The following TTC27 variants were observed in gnomAD, a reference collection of about 807,000 sequenced individuals.
TTC27 encodes tetratricopeptide repeat domain 27.
In TTC27, 79 loss-of-function variants were observed where a neutral mutation model predicts 115.9. That is an observed-to-expected ratio of 0.68 (90% CI 0.57 to 0.82). TTC27 has a LOEUF of 0.82. Ranked by LOEUF, TTC27 falls within the 40% of genes least tolerant of loss-of-function variation. TTC27 has a pLI of 0.00. For synonymous variants in TTC27, 401 were observed against 356.0 expected (o/e 1.13, Z -1.42); for missense variants, 1,054 against 993.1 (o/e 1.06, Z -0.82).
chr2:32,651,219 G>A (rs1158145451), intron 5 of TTC27, among the ~76,000 whole-genome samples: 1 of 152,168 alleles, frequency 6.6e-6, no homozygotes, highest in Non-Finnish European at 1.5e-5. Context: ...GTGGTAGTTA[G>A]CATCATTCTA....
At position 32,756,250 on chromosome 2, in the gene TTC27, C is replaced by T. The variant is rs537177046; in HGVS notation, c.1453-2042C>T. On this transcript the variant is annotated intron_variant, in intron 12 of 19. Transcript: ENST00000317907. ...GACGTGGGTACCATACCGTCAGTATCGGGCTGTCAAGAGAAATGCCTTCAA... is the reference window on the plus strand; with the variant it reads ...GACGTGGGTACCATACCGTCAGTATTGGGCTGTCAAGAGAAATGCCTTCAA... Among the ~76,000 whole-genome samples the T allele has an allele frequency of 3.0e-4, 45 of 152,334 alleles. 2 individuals carry two copies. The South Asian group carries it at 7.5e-3, about 25-fold the overall frequency.
At chr2:32,726,893 A>G (rs77398177) in intron 10 of TTC27, among the ~76,000 whole-genome samples, 1 of 152,228 alleles carries the variant, frequency 6.6e-6, no homozygotes, top group Non-Finnish European at 1.5e-5. Flanking sequence ...AGCAAGTCAC[A>G]TCTTACATGG....
intron 5 of TTC27, among the ~76,000 whole-genome samples, chr2:32,653,491 G>C (rs915803362): frequency 6.6e-6 from 1 of 151,810 alleles, no homozygotes; most frequent in Non-Finnish European, 1.5e-5. Flanking sequence ...CTACTCAGGA[G>C]GTTGAGGTAG....
chr2:32,728,918 C>T (rs924581948), intron 10 of TTC27, among the ~76,000 whole-genome samples: 29 of 152,144 alleles, frequency 1.9e-4, no homozygotes, highest in African/African-American at 7.0e-4. Context: ...GAATTGACTG[C>T]AGACTCCTGT....
At chr2:32,652,790 G>C (rs1028331990) in intron 5 of TTC27, among the ~76,000 whole-genome samples, 2 of 152,176 alleles carry the variant, frequency 1.3e-5, no homozygotes, top group Non-Finnish European at 2.9e-5. Context: ...TCAGCGTCCA[G>C]AGAAGGGTAT....
At position 32,628,148 on chromosome 2, in the gene TTC27, T is replaced by C; in HGVS notation, c.-145T>C. The C allele has an allele frequency of 1.4e-6, 1 of 736,986 alleles. No homozygotes were observed. The highest frequency in any genetic ancestry group is 2.3e-6 in the Non-Finnish European group (1 of 443,108). The allele number at this position is 736,986 out of a possible 1,614,324, so 45.7% of individuals were successfully genotyped here. ...GCCTCCTTGAGGTAGTATCCGCACA[T>C]GGAATTCTAGGGCCGCAGGTGTATT... On this transcript the variant is annotated 5_prime_UTR_variant, in exon 1 of 20. An upstream start codon of the reference 5' UTR is lost. Transcript: ENST00000317907.
At chr2:32,767,688 C>G (rs1446176020) in intron 13 of TTC27, among the ~76,000 whole-genome samples, 1 of 151,720 alleles carries the variant, frequency 6.6e-6, no homozygotes, top group East Asian at 1.9e-4. Flanking sequence ...GTCTCGATCT[C>G]CTGACCTCAT....
intron 9 of TTC27, among the ~76,000 whole-genome samples, chr2:32,687,765 T>C (rs1666682917): frequency 6.6e-6 from 1 of 152,176 alleles, no homozygotes; most frequent in Non-Finnish European, 1.5e-5. Flanking sequence ...ATAGTAATTA[T>C]AAATGTGTAT....
intron 13 of TTC27, among the ~76,000 whole-genome samples, chr2:32,763,594 A>G (rs144061551): frequency 6.6e-6 from 1 of 152,368 alleles, no homozygotes; most frequent in Admixed American, 6.5e-5. Flanking sequence ...AAATAAAAAC[A>G]AAGAACTTCT....
At chr2:32,685,093 C>T (rs1038932941) in intron 9 of TTC27, among the ~76,000 whole-genome samples, 1 of 146,950 alleles carries the variant, frequency 6.8e-6, no homozygotes, top group African/African-American at 2.5e-5. Context: ...TGCAATGGCG[C>T]AATCTTGGCT....
intron 13 of TTC27, among the ~76,000 whole-genome samples, chr2:32,772,567 A>T (rs1188328406): frequency 6.6e-6 from 1 of 152,196 alleles, no homozygotes; most frequent in African/African-American, 2.4e-5. Context: ...CACACTTTTT[A>T]AAAAATAAAA....
Position 32,633,945 on chromosome 2 carries a change from C to T in TTC27, c.336C>T (p.Pro112=), listed in dbSNP as rs752758338. 35 of 1,613,836 alleles carry T rather than the reference C, an allele frequency of 2.2e-5. No individual in the cohort carries two copies. In the East Asian group the frequency reaches 7.4e-4, roughly 34 times the overall value. The change falls in exon 3 of 20, where the codon CCC becomes CCT. Residue 112 remains proline (P), a synonymous_variant. Transcript: ENST00000317907. ...TTGTTCAGAGCAACTGGACGGGGCC[C>T]CCTGTTGACTTACACCCTCAGGACT... ...QLFVQSNWTG[P]PVDLHPQDFL... is the part of the protein sequence containing the mutation.
chr2:32,652,785 G>A (rs756605898), intron 5 of TTC27, among the ~76,000 whole-genome samples: 8 of 152,236 alleles, frequency 5.3e-5, no homozygotes, highest in African/African-American at 7.2e-5. Context: ...ACGATTCAGC[G>A]TCCAGAGAAG....
chr2:32,754,331 G>T (rs1243449965), intron 12 of TTC27, among the ~76,000 whole-genome samples: 9 of 148,912 alleles, frequency 6.0e-5, no homozygotes, highest in East Asian at 2.0e-4. Flanking sequence ...TTGAGATTAG[G>T]GAGTGGCGAT....
chr2:32,691,262 CCTT>C (rs1666798255), intron 9 of TTC27, among the ~76,000 whole-genome samples: 1 of 151,774 alleles, frequency 6.6e-6, no homozygotes, highest in Non-Finnish European at 1.5e-5. Context: ...AATAGTAAGT[CCTT>C]CTTAGGTACA....
rs905004473 is a variant in TTC27, at chr2:32,721,162, A to T, written c.1234-12666A>T. On this transcript the variant is annotated intron_variant, in intron 10 of 19. Transcript: ENST00000317907. ...TTTCATGCTTATTTTAAATCCCCCTAAATGTAAGGTTCTTGTAATGGACAA... is the reference window on the plus strand; with the variant it reads ...TTTCATGCTTATTTTAAATCCCCCTTAATGTAAGGTTCTTGTAATGGACAA... Among the ~76,000 whole-genome samples the T allele has an allele frequency of 2.0e-5, 3 of 152,156 alleles. No homozygotes were observed. The East Asian group carries it at 5.8e-4, about 29-fold the overall frequency.
intron 7 of TTC27, among the ~76,000 whole-genome samples, chr2:32,671,069 G>T (rs1247506373): frequency 6.6e-6 from 1 of 152,108 alleles, no homozygotes; most frequent in Non-Finnish European, 1.5e-5. Context: ...TGTTTTCAGA[G>T]AACAGAAGTT....
At chr2:32,792,244 T>C (rs1012151108) in intron 16 of TTC27, among the ~76,000 whole-genome samples, 10 of 152,188 alleles carry the variant, frequency 6.6e-5, no homozygotes, top group Admixed American at 3.9e-4. Context: ...ATTGAAGTTC[T>C]GGGACACTTG....
At chr2:32,740,750 G>A (rs1040089413) in intron 12 of TTC27, among the ~76,000 whole-genome samples, 1 of 152,166 alleles carries the variant, frequency 6.6e-6, no homozygotes, top group Non-Finnish European at 1.5e-5. Flanking sequence ...CACCTCCTGG[G>A]TTCAAGCGAT....
Sources: gnomAD v4.1 joint callset for allele counts (sites outside exome capture counted in the v4.1 genomes callset) on GRCh38, gnomAD v4.1.1 for gene constraint, MANE v1.5 for transcripts, NCBI Gene and HGNC (gene_info 2026-07-23, HGNC 2026-07-21) for gene names.